RNF13: variants seen among roughly 807,000 people sequenced by gnomAD.
The protein encoded by RNF13 is E3 ubiquitin-protein ligase RNF13.
In RNF13, 19 loss-of-function variants were observed where a neutral mutation model predicts 37.7. That is an observed-to-expected ratio of 0.50 (90% confidence interval 0.35 to 0.74). The LOEUF (loss-of-function observed/expected upper bound fraction) is 0.74. Among genes scored for constraint, RNF13 ranks in the 30% least tolerant of loss-of-function variants. The pLI, the probability that RNF13 is intolerant of heterozygous loss-of-function variation, is 0.01. For missense variants in RNF13, 375 were observed against 453.0 expected, an observed-to-expected ratio of 0.83 and a Z score of 1.56; for synonymous variants, 144 against 157.8, an observed-to-expected ratio of 0.91 and a Z score of 0.65.
intron 7 of RNF13, among the ~76,000 whole-genome samples, chr3:149,916,942 C>T (rs1239563800): frequency 6.6e-6 from 1 of 152,086 alleles, no homozygotes; most frequent in Non-Finnish European, 1.5e-5. Flanking sequence ...ATAACTTTAG[C>T]TGAAACCCAC....
intron 8 of RNF13, among the ~76,000 whole-genome samples, chr3:149,955,964 C>G (rs1223757614): frequency 6.6e-6 from 1 of 152,088 alleles, no homozygotes; most frequent in African/African-American, 2.4e-5. Flanking sequence ...GTTTTTGTTA[C>G]AGCCTGGCCA....
chr3:149,854,486 T>C (rs758295195), intron 3 of RNF13, among the ~76,000 whole-genome samples: 1 of 152,220 alleles, frequency 6.6e-6, no homozygotes, highest in Non-Finnish European at 1.5e-5. Context: ...TTTGTATATA[T>C]GAAAAGTTTC....
intron 7 of RNF13, among the ~76,000 whole-genome samples, chr3:149,914,874 G>A (rs973857978): frequency 5.3e-5 from 8 of 151,692 alleles, no homozygotes; most frequent in Admixed American, 4.6e-4. Context: ...GGAGGCAGAG[G>A]TTGCAGTGAG....
intron 5 of RNF13, among the ~76,000 whole-genome samples, chr3:149,900,912 A>G (rs1715763424): frequency 6.6e-6 from 1 of 152,128 alleles, no homozygotes; most frequent in African/African-American, 2.4e-5. Context: ...AAAACAATCT[A>G]GAAGTGAAAA....
chr3:149,828,283 T>G (rs975145984), intron 1 of RNF13, among the ~76,000 whole-genome samples: 2 of 152,194 alleles, frequency 1.3e-5, no homozygotes, highest in South Asian at 2.1e-4. Flanking sequence ...TTTTGATGAT[T>G]AGAAGGAAAA....
Position 149,921,532 on chromosome 3 carries a change from ATGAG to A in RNF13, c.700+310_700+313del, listed in dbSNP as rs1718129853. On this transcript the variant is annotated intron_variant, in intron 8 of 9. Coordinates refer to ENST00000392894, the MANE Select transcript of RNF13 (RefSeq NM_183381.3). The stretch of plus-strand genomic sequence containing the variant: ...TGTTCTCATTGTTCACCTTCCACTT[ATGAG>A]TGAGAACACGCAGTGTTTGGTTTTC... 2.6e-5 allele frequency among the ~76,000 whole-genome samples: 4 copies of A among 151,614 alleles called. No individual in the cohort carries two copies. The South Asian group carries it at 8.3e-4, about 32-fold the overall frequency.
intron 8 of RNF13, among the ~76,000 whole-genome samples, chr3:149,943,840 C>A (rs1238843364): frequency 6.6e-6 from 1 of 151,320 alleles, no homozygotes; most frequent in Admixed American, 6.6e-5. Context: ...ACTTTAAGTT[C>A]TAGGGTACAT....
At chr3:149,857,701 G>A (rs1349030255) in intron 3 of RNF13, among the ~76,000 whole-genome samples, 3 of 152,082 alleles carry the variant, frequency 2.0e-5, no homozygotes, top group Non-Finnish European at 4.4e-5. Context: ...TCAAAAAATT[G>A]GTAAAGATTA....
intron 6 of RNF13, among the ~76,000 whole-genome samples, chr3:149,908,323 A>G (rs763363511): frequency 6.6e-6 from 1 of 152,132 alleles, no homozygotes; most frequent in Non-Finnish European, 1.5e-5. Flanking sequence ...CTTCATGGAC[A>G]TATTTTCTCT....
intron 4 of RNF13, among the ~76,000 whole-genome samples, chr3:149,888,388 A>G (rs917326867): frequency 6.6e-6 from 1 of 152,232 alleles, no homozygotes; most frequent in African/African-American, 2.4e-5. Context: ...GCTACTATTT[A>G]TCATCAGATA....
intron 3 of RNF13, among the ~76,000 whole-genome samples, chr3:149,871,020 T>G (rs1336437088): frequency 6.6e-6 from 1 of 151,604 alleles, no homozygotes; most frequent in African/African-American, 2.4e-5. Flanking sequence ...TTTTTCTGTT[T>G]TAGTCTGTTA....
intron 3 of RNF13, among the ~76,000 whole-genome samples, chr3:149,870,707 C>T (rs1047409517): frequency 2.0e-5 from 3 of 151,732 alleles, no homozygotes; most frequent in African/African-American, 7.3e-5. Flanking sequence ...AAACAAAAAC[C>T]GAGTGCTTTA....
At chr3:149,821,352 T>C (rs1364337151) in intron 1 of RNF13, among the ~76,000 whole-genome samples, 2 of 152,172 alleles carry the variant, frequency 1.3e-5, no homozygotes, top group Non-Finnish European at 2.9e-5. Context: ...AAATTATAAT[T>C]GCCATCCTTA....
At chr3:149,829,417 C>G (rs1720827989) in intron 1 of RNF13, among the ~76,000 whole-genome samples, 1 of 152,058 alleles carries the variant, frequency 6.6e-6, no homozygotes, top group Admixed American at 6.5e-5. Flanking sequence ...CCTGTTTTTT[C>G]TTAATCTATT....
intron 8 of RNF13, among the ~76,000 whole-genome samples, chr3:149,944,438 A>T (rs7645394): frequency 0.9 from 137,198 of 152,084 alleles, 61,989 homozygotes; most frequent in African/African-American, 0.94. Flanking sequence ...CCACCAACAG[A>T]GTAAAAGTGT....
intron 1 of RNF13, among the ~76,000 whole-genome samples, chr3:149,821,014 G>A (rs1203604720): frequency 6.6e-6 from 1 of 151,986 alleles, no homozygotes; most frequent in African/African-American, 2.4e-5. Flanking sequence ...TCCTTTCCAT[G>A]TCAGAAGAAT....
intron 6 of RNF13, among the ~76,000 whole-genome samples, chr3:149,906,190 CATTGT>C (rs1431451048): frequency 6.6e-6 from 1 of 151,954 alleles, no homozygotes; most frequent in Non-Finnish European, 1.5e-5. Flanking sequence ...AATAGCTTTC[CATTGT>C]ATGGATATAC....
At chr3:149,857,219 T>G (rs1723747774) in intron 3 of RNF13, among the ~76,000 whole-genome samples, 1 of 152,218 alleles carries the variant, frequency 6.6e-6, no homozygotes, top group South Asian at 2.1e-4. Flanking sequence ...TCTGTTTACA[T>G]TCTATTTATA....
chr3:149,825,383 C>G (rs1720399818), intron 1 of RNF13, among the ~76,000 whole-genome samples: 1 of 152,272 alleles, frequency 6.6e-6, no homozygotes, highest in African/African-American at 2.4e-5. Context: ...AGGCTGGTCT[C>G]AAACTCCTGA....
Sources: allele counts gnomAD v4.1 joint callset (sites outside exome capture counted in the v4.1 genomes callset), GRCh38; gene constraint gnomAD v4.1.1; transcripts MANE v1.5; gene names NCBI Gene and HGNC (gene_info 2026-07-23, HGNC 2026-07-21).